The following MRPS30 variants were observed in gnomAD, a reference collection of about 807,000 sequenced individuals.
MRPS30 encodes the protein mitochondrial ribosomal protein S30, also known as large ribosomal subunit protein mL65.
A neutral mutation model predicts 43.8 loss-of-function variants in MRPS30; 42 were observed. The observed-to-expected ratio is 0.96, with a 90% CI of 0.75 to 1.24. The LOEUF is 1.24. Ranked by LOEUF, MRPS30 falls within the 50% of genes most tolerant of loss-of-function variation. The probability of loss-of-function intolerance (pLI) is 0.00; values close to 1 mark genes in which losing one functional copy is unlikely to be tolerated. For synonymous variants in MRPS30, 273 were observed against 228.2 expected (o/e 1.20, Z -1.77); for missense variants, 638 against 570.0 (o/e 1.12, Z -1.22).
rs370924188 is a variant in MRPS30 at position 44,812,068 on chromosome 5, C to T, written c.853+48C>T. 7.7e-5 allele frequency: 104 copies of T among 1,353,276 alleles called. 1 individual carries two copies. Among genetic ancestry groups the T allele is most frequent in the South Asian group, 6.4e-4 (48 of 75,324 alleles). The allele number at this position is 1,353,276 out of a possible 1,614,324, so 83.8% of individuals were successfully genotyped here. ...TGTACCATAAATGTGTTCCAAGTGTCGTATGCAAATTTGGAGTATTGACTA... is the reference window on the plus strand; with the variant it reads ...TGTACCATAAATGTGTTCCAAGTGTTGTATGCAAATTTGGAGTATTGACTA... On this transcript the variant is annotated intron_variant, in intron 3 of 4. Coordinates refer to ENST00000507110, the MANE Select transcript of MRPS30 (RefSeq NM_016640.4).
chr5:44,812,295 A>G (rs1205860135), intron 3 of MRPS30, among the ~76,000 whole-genome samples: 1 of 152,212 alleles, frequency 6.6e-6, no homozygotes, highest in East Asian at 1.9e-4. Context: ...TAGAAAAATT[A>G]GTGTTTTTTT....
chr5:44,814,783 T>A, intron 4 of MRPS30, 130 bp from the exon 5 acceptor site: 1 of 811,284 alleles, frequency 1.2e-6, no homozygotes, highest in Non-Finnish European at 2.0e-6. Flanking sequence ...CTTTGAGGTC[T>A]TCAGGGATTT....
intron 2 of MRPS30, among the ~76,000 whole-genome samples, chr5:44,811,388 G>T (rs1185424672): frequency 2.0e-5 from 3 of 152,090 alleles, no homozygotes; most frequent in Non-Finnish European, 4.4e-5. Context: ...GTGTCATTTT[G>T]CCTGACCATA....
Position 44,810,992 on chromosome 5 carries a change from G to C in MRPS30, c.602-17G>C, listed in dbSNP as rs752280166. 1 of 1,607,962 alleles carries C rather than the reference G, an allele frequency of 6.2e-7. No individual in the cohort carries two copies. Among genetic ancestry groups the C allele is most frequent in the Admixed American group, 1.7e-5 (1 of 59,386 alleles). ...TAGATGATCAGATGAAAAAAATTTTGAATATCTTTTTGATAGATTATAGAT... is the reference window on the plus strand; with the variant it reads ...TAGATGATCAGATGAAAAAAATTTTCAATATCTTTTTGATAGATTATAGAT... On this transcript the variant is annotated splice_polypyrimidine_tract_variant and intron_variant, in intron 1 of 4. Transcript: ENST00000507110.
chr5:44,810,847 G>A (rs979044239), intron 1 of MRPS30, among the ~76,000 whole-genome samples, 162 bp from the exon 2 acceptor site: 7 of 152,132 alleles, frequency 4.6e-5, no homozygotes, highest in Admixed American at 1.3e-4. Context: ...ATGTTTGAAT[G>A]TTATATTTAA....
chr5:44,815,045 C>G lies in MRPS30; in HGVS notation c.1163C>G (p.Pro388Arg). 2.5e-6 allele frequency: 4 copies of G among 1,613,758 alleles called. No individual in the cohort carries two copies. Among genetic ancestry groups the G allele is most frequent in the Non-Finnish European group, 3.4e-6 (4 of 1,179,770 alleles). ...ACTACACAAGCTGATCAAAATAACC[C>G]TCGTAAAAATATATGTTGGGGTACA... ...ALTTQADQNNPRKNICWGTQS... is the reference protein window; with the variant it reads ...ALTTQADQNNRRKNICWGTQS... Residue 388 changes from proline to arginine, a missense_variant, in exon 5 of 5, where the codon CCT becomes CGT. Pro to Arg is a moderately radical substitution (Grantham distance 103). Transcript: ENST00000507110.
At position 44,815,146 on chromosome 5, in the gene MRPS30, G is replaced by T; in HGVS notation, c.1264G>T (p.Val422Phe). ...GFNDDVLLQIVHFLLNRPKEE... is the reference protein window; with the variant it reads ...GFNDDVLLQIFHFLLNRPKEE... ...TAATGATGATGTTCTACTTCAGATA[G>T]TTCACTTTCTACTGAATAGACCAAA... Residue 422 changes from valine to phenylalanine, a missense_variant, in exon 5 of 5, where the codon GTT (valine) becomes TTT (phenylalanine). Transcript: ENST00000507110. 1 of 1,612,670 alleles carries T rather than the reference G, an allele frequency of 6.2e-7. No homozygotes were observed. Among genetic ancestry groups the T allele is most frequent in the Non-Finnish European group, 8.5e-7 (1 of 1,179,560 alleles).
intron 4 of MRPS30, 43 bp from the exon 5 acceptor site, chr5:44,814,870 G>A: frequency 6.5e-7 from 1 of 1,530,166 alleles, no homozygotes; most frequent in Middle Eastern, 1.8e-4. Context: ...GTTTGGGTAA[G>A]ATATATTCTA....
chr5:44,809,839 T>A, intron 1 of MRPS30: 1 of 439,444 alleles, frequency 2.3e-6, no homozygotes, highest in Non-Finnish European at 4.0e-6. Context: ...TTTGTGAGTG[T>A]TCAGCCAAAT....
rs1369465362 is a variant in MRPS30, at chr5:44,815,255, CAAT to C, written c.*57_*59del. Reference sequence around the variant, plus strand: ...GAATATTTAAATTTTACTGAAGGAACAATAATGATGAGATTTGTAACTGTCAAC... The same window carrying C: ...GAATATTTAAATTTTACTGAAGGAACAATGATGAGATTTGTAACTGTCAAC... On this transcript the variant is annotated 3_prime_UTR_variant, in exon 5 of 5. Transcript: ENST00000507110. The C allele has an allele frequency of 7.0e-7, 1 of 1,428,032 alleles. No individual in the cohort carries two copies. Among genetic ancestry groups the C allele is most frequent in the Non-Finnish European group, 9.4e-7 (1 of 1,066,848 alleles). The allele number at this position is 1,428,032 out of a possible 1,614,324, so 88.5% of individuals were successfully genotyped here. A position where few individuals can be genotyped will look rare whatever the true frequency, so the allele number is the denominator to read the frequency against.
At chr5:44,814,180 G>C (rs1004823973) in intron 4 of MRPS30, among the ~76,000 whole-genome samples, 6 of 152,206 alleles carry the variant, frequency 3.9e-5, no homozygotes, top group African/African-American at 1.4e-4. Flanking sequence ...AGGACTATTA[G>C]AGCTCATTGT....
chr5:44,814,906 T>C lies in MRPS30; in HGVS notation c.1031-7T>C. On this transcript the variant is annotated splice_region_variant and splice_polypyrimidine_tract_variant and intron_variant, in intron 4 of 4. Transcript: ENST00000507110. ...TGTGTAAATTTCAGCATAACTTTCT[T>C]CTACAGGATTCTGGAGTGAAGCAGA... 1 of 1,589,454 alleles carries C rather than the reference T, an allele frequency of 6.3e-7. No homozygotes were observed. Among genetic ancestry groups the C allele is most frequent in the Non-Finnish European group, 8.6e-7 (1 of 1,169,114 alleles).
At position 44,811,802 on chromosome 5, in the gene MRPS30, A is replaced by G. The variant is rs1477811554; in HGVS notation, c.748-113A>G. 3 of 677,832 alleles carry G rather than the reference A, an allele frequency of 4.4e-6. No homozygotes were observed. In the African/African-American group the frequency reaches 5.6e-5, roughly 13 times the overall value. The allele number at this position is 677,832 out of a possible 1,614,324, so 42.0% of individuals were successfully genotyped here. A position where few individuals can be genotyped will look rare whatever the true frequency, so the allele number is the denominator to read the frequency against. ...TGGCCCATCATTCGATGATAGTATTATCAAATCATTTTGTGAAATCACCTC... is the reference window on the plus strand; with the variant it reads ...TGGCCCATCATTCGATGATAGTATTGTCAAATCATTTTGTGAAATCACCTC... On this transcript the variant is annotated intron_variant, in intron 2 of 4. Coordinates refer to ENST00000507110, the MANE Select transcript of MRPS30 (RefSeq NM_016640.4).
In MRPS30 at chr5:44,811,598, A is replaced by G. The variant is rs962219722; in HGVS notation, c.748-317A>G. Among the ~76,000 whole-genome samples the G allele has an allele frequency of 1.1e-4, 16 of 152,320 alleles. No individual in the cohort carries two copies. The East Asian group carries it at 1.3e-3, about 13-fold the overall frequency. On this transcript the variant is annotated intron_variant, in intron 2 of 4. Coordinates refer to ENST00000507110, the MANE Select transcript of MRPS30 (RefSeq NM_016640.4). ...ATGCTTTCATGTCAGGGGTTGACAC[A>G]CTTTTTCTGTAAAGATCTGGATAGT...
chr5:44,809,765 A>G, intron 1 of MRPS30: 2 of 578,826 alleles, frequency 3.5e-6, no homozygotes, highest in South Asian at 4.8e-5. Flanking sequence ...TGGCTGCGCT[A>G]ACACCTACCA....
In MRPS30 at chr5:44,808,988, C is replaced by G. The variant is rs750905237; in HGVS notation, c.26C>G (p.Pro9Arg). The G allele has an allele frequency of 4.4e-6, 7 of 1,606,384 alleles. No individual in the cohort carries two copies. In the Admixed American group the frequency reaches 8.4e-5, roughly 19 times the overall value. Residue 9 changes from proline to arginine, a missense_variant, in exon 1 of 5, where the codon CCT (proline) becomes CGT (arginine). Transcript: ENST00000507110. The stretch of plus-strand genomic sequence containing the variant: ...ATGGCGGCGGCCAGGTGTTGGAGGC[C>G]TTTGCTACGCGGTCCGAGGCTTTCA... MAAARCWR[P>R]LLRGPRLSLH...
At chr5:44,810,388 G>A (rs989000091) in intron 1 of MRPS30, among the ~76,000 whole-genome samples, 2 of 152,140 alleles carry the variant, frequency 1.3e-5, no homozygotes, top group African/African-American at 2.4e-5. Context: ...AGTAATTAAC[G>A]TATAAATAAT....
rs769431986 is a variant in MRPS30, at chr5:44,811,014, A to T, written c.607A>T (p.Arg203Ter). The change falls in exon 2 of 5, where the codon AGA (arginine) becomes TGA (stop). Residue 203 changes from arginine (R) to a stop codon, truncating the protein, a stop_gained. Transcript: ENST00000507110. LOFTEE classifies it high-confidence loss of function. ...PALAAAALDY[R>*]CPVHFYWVRG... ...TTTGAATATCTTTTTGATAGATTAT[A>T]GATGCCCAGTTCATTTTTACTGGGT... 6.2e-7 allele frequency: 1 copy of T among 1,613,814 alleles called. No individual in the cohort carries two copies. The highest frequency in any genetic ancestry group is 1.1e-5 in the South Asian group (1 of 91,028).
Position 44,809,034 on chromosome 5 carries a change from C to T in MRPS30, c.72C>T (p.Ala24=). The T allele has an allele frequency of 6.2e-7, 1 of 1,609,960 alleles. No homozygotes were observed. The highest frequency in any genetic ancestry group is 8.5e-7 in the Non-Finnish European group (1 of 1,178,802). ...TTTCATTGCACACCGCGGCTAATGC[C>T]GCCGCCACGGCTACAGAAACGACCT... is the stretch of plus-strand genomic sequence containing the variant. ...PRLSLHTAAN[A]AATATETTCQ... The change falls in exon 1 of 5, where the codon GCC becomes GCT. Residue 24 remains alanine (A), a synonymous_variant. Coordinates refer to ENST00000507110, the MANE Select transcript of MRPS30 (RefSeq NM_016640.4).
Sources: gnomAD v4.1 joint callset for allele counts (sites outside exome capture counted in the v4.1 genomes callset) on GRCh38, gnomAD v4.1.1 for gene constraint, MANE v1.5 for transcripts, NCBI Gene and HGNC (gene_info 2026-07-23, HGNC 2026-07-21) for gene names.